Variants in SUMF1 observed in about 807,000 individuals in gnomAD.
The protein encoded by SUMF1 is formylglycine-generating enzyme.
In SUMF1, 48 loss-of-function variants were observed where a neutral mutation model predicts 47.6. That is an observed-to-expected ratio of 1.01 (90% CI 0.80 to 1.28). The LOEUF (loss-of-function observed/expected upper bound fraction) is 1.28, where lower values mean the gene tolerates loss of function less well. Among genes scored for constraint, SUMF1 ranks in the 50% most tolerant of loss-of-function variants. The pLI, the probability that SUMF1 is intolerant of heterozygous loss-of-function variation, is 0.00. For missense variants in SUMF1, 571 were observed against 485.4 expected (o/e 1.18, Z -1.66); for synonymous variants, 230 against 192.1 (o/e 1.20, Z -1.63).
At chr3:4,427,334 G>C (rs1212112458) in intron 3 of SUMF1, among the ~76,000 whole-genome samples, 1 of 152,110 alleles carries the variant, frequency 6.6e-6, no homozygotes, top group African/African-American at 2.4e-5. Context: ...TTTTCAACTG[G>C]CATCAGTGAA....
intron 8 of SUMF1, among the ~76,000 whole-genome samples, chr3:4,211,185 TATACATATACATACATAC>T (rs1695780254): frequency 1.1e-5 from 1 of 88,080 alleles, no homozygotes; most frequent in Non-Finnish European, 2.2e-5. Context: ...TATATATACA[TATACATATACATACATAC>T]ATATATATAT....
chr3:4,253,548 T>G (rs912499494), intron 8 of SUMF1, among the ~76,000 whole-genome samples: 1 of 151,336 alleles, frequency 6.6e-6, no homozygotes, highest in Non-Finnish European at 1.5e-5. Flanking sequence ...ATTGCGCTTT[T>G]CAGACCGGCT....
At chr3:4,395,111 G>A (rs1157782062) in intron 7 of SUMF1, among the ~76,000 whole-genome samples, 1 of 152,066 alleles carries the variant, frequency 6.6e-6, no homozygotes, top group Non-Finnish European at 1.5e-5. Flanking sequence ...TTTTAAGGAT[G>A]AAAATACTGA....
At chr3:4,134,211 G>C (rs1693864382) in intron 8 of SUMF1, among the ~76,000 whole-genome samples, 2 of 152,112 alleles carry the variant, frequency 1.3e-5, no homozygotes, top group East Asian at 3.9e-4. Flanking sequence ...TGACCACATA[G>C]TTGGAAGTAA....
At chr3:4,215,783 G>T (rs112375898) in intron 8 of SUMF1, among the ~76,000 whole-genome samples, 1 of 151,876 alleles carries the variant, frequency 6.6e-6, no homozygotes, top group South Asian at 2.1e-4. Context: ...GTCAATTCCC[G>T]TTCACAATTG....
chr3:4,404,728 C>T (rs1442651763), intron 7 of SUMF1, among the ~76,000 whole-genome samples: 1 of 152,218 alleles, frequency 6.6e-6, no homozygotes, highest in East Asian at 1.9e-4. Flanking sequence ...AGTGCCATTG[C>T]ACTCCAGTCT....
intron 6 of SUMF1, among the ~76,000 whole-genome samples, chr3:4,411,335 A>G (rs762215661): frequency 2.0e-5 from 3 of 152,112 alleles, no homozygotes; most frequent in Non-Finnish European, 4.4e-5. Flanking sequence ...TTCACAGGAA[A>G]ATCCCATTGG....
chr3:4,366,861 G>T (rs1382504332), intron 8 of SUMF1, among the ~76,000 whole-genome samples: 1 of 152,048 alleles, frequency 6.6e-6, no homozygotes, highest in Admixed American at 6.6e-5. Flanking sequence ...TCTACTTTTG[G>T]TGTTTGATGA....
chr3:4,220,560 C>T (rs1224219915), intron 8 of SUMF1, among the ~76,000 whole-genome samples: 1 of 152,042 alleles, frequency 6.6e-6, no homozygotes, highest in Admixed American at 6.6e-5. Context: ...CCATCTCTCT[C>T]TCCCTCCCTC....
chr3:4,056,738 ATT>A (rs563250268), intron 9 of SUMF1, among the ~76,000 whole-genome samples: 1 of 151,738 alleles, frequency 6.6e-6, no homozygotes, highest in Admixed American at 6.6e-5. Context: ...GTGATCCATA[ATT>A]TTTTTTATTT....
Position 4,091,725 on chromosome 3 carries a change from T to A in SUMF1, c.1015-22980A>T, listed in dbSNP as rs530429863. On this transcript the variant is annotated intron_variant and NMD_transcript_variant, in intron 8 of 12. Coordinates refer to the SUMF1 transcript ENST00000448413. ...AGACTTGGCAGTGTGGCAGGACCAG[T>A]TTGTGCAACCTATATTTACTGGTAA... Among the ~76,000 whole-genome samples the A allele has an allele frequency of 5.9e-5, 9 of 152,106 alleles. No individual in the cohort carries two copies. The South Asian group carries it at 1.9e-3, about 32-fold the overall frequency.
chr3:4,299,767 G>A (rs910150635), intron 8 of SUMF1, among the ~76,000 whole-genome samples: 18 of 152,210 alleles, frequency 1.2e-4, no homozygotes, highest in Admixed American at 6.5e-5. Context: ...CCAGGATGGC[G>A]CCACTGCACT....
chr3:4,282,578 T>C (rs535959333), intron 8 of SUMF1, among the ~76,000 whole-genome samples: 5 of 152,328 alleles, frequency 3.3e-5, no homozygotes, highest in African/African-American at 1.2e-4. Context: ...ACCACAGTTA[T>C]TACAATTTCA....
At chr3:4,134,599 G>A (rs1693875877) in intron 8 of SUMF1, among the ~76,000 whole-genome samples, 1 of 152,130 alleles carries the variant, frequency 6.6e-6, no homozygotes, top group Non-Finnish European at 1.5e-5. Flanking sequence ...GCAGAAGGCA[G>A]AAGGCAAGAA....
At chr3:4,113,937 CA>C (rs1275562718) in intron 8 of SUMF1, among the ~76,000 whole-genome samples, 2 of 152,164 alleles carry the variant, frequency 1.3e-5, no homozygotes, top group Non-Finnish European at 2.9e-5. Context: ...TGAACATTAA[CA>C]ACATATCCTA....
chr3:4,049,107 C>A (rs2125021954), intron 9 of SUMF1, among the ~76,000 whole-genome samples: 1 of 152,268 alleles, frequency 6.6e-6, no homozygotes, highest in South Asian at 2.1e-4. Context: ...AGCTATGCTG[C>A]TATGATAAAC....
chr3:4,139,740 A>T (rs1694031253), intron 8 of SUMF1, among the ~76,000 whole-genome samples: 1 of 151,770 alleles, frequency 6.6e-6, no homozygotes, highest in African/African-American at 2.4e-5. Flanking sequence ...TGCCTTTAAT[A>T]ATTTCTAGAG....
chr3:4,439,260 A>C (rs1293070585), intron 3 of SUMF1, among the ~76,000 whole-genome samples: 2 of 152,164 alleles, frequency 1.3e-5, no homozygotes, highest in African/African-American at 4.8e-5. Context: ...TGGTGGCTCA[A>C]CGCCTGTAAT....
At chr3:4,173,848 G>A (rs926568907) in intron 8 of SUMF1, among the ~76,000 whole-genome samples, 10 of 152,078 alleles carry the variant, frequency 6.6e-5, no homozygotes, top group African/African-American at 2.4e-4. Context: ...ATGGACACAG[G>A]GAGGGGAACA....
Sources: gnomAD v4.1 joint callset for allele counts (sites outside exome capture counted in the v4.1 genomes callset) on GRCh38, gnomAD v4.1.1 for gene constraint, MANE v1.5 for transcripts, NCBI Gene and HGNC (gene_info 2026-07-23, HGNC 2026-07-21) for gene names.